The following NALF1 variants were observed in gnomAD, a reference collection of about 807,000 sequenced individuals.
The protein encoded by NALF1 is family with sequence similarity 155 member A.
A neutral mutation model predicts 48.4 loss-of-function variants in NALF1; 3 were observed. That is an observed-to-expected ratio of 0.06 (90% CI 0.03 to 0.16). NALF1 has a LOEUF of 0.16. NALF1 is among the 10% of genes least tolerant of loss of function. The probability of loss-of-function intolerance (pLI) is 1.00; values close to 1 mark genes in which losing one functional copy is unlikely to be tolerated. For missense variants in NALF1, 526 were observed against 571.5 expected, an observed-to-expected ratio of 0.92 and a Z score of 0.81; for synonymous variants, 262 against 245.7, an observed-to-expected ratio of 1.07 and a Z score of -0.62.
At chr13:107,283,325 T>C (rs947624453) in intron 1 of NALF1, among the ~76,000 whole-genome samples, 17 of 152,138 alleles carry the variant, frequency 1.1e-4, no homozygotes, top group African/African-American at 4.1e-4. Context: ...CATGGTGAAG[T>C]ACGGCAGCTC....
intron 1 of NALF1, among the ~76,000 whole-genome samples, chr13:107,345,659 T>G (rs957914304): frequency 6.6e-6 from 1 of 152,162 alleles, no homozygotes; most frequent in Non-Finnish European, 1.5e-5. Context: ...AGTGCCTACA[T>G]GTAATACCTG....
chr13:107,842,414 CA>C (rs926515731), intron 1 of NALF1, among the ~76,000 whole-genome samples: 12 of 151,838 alleles, frequency 7.9e-5, no homozygotes, highest in African/African-American at 2.9e-4. Context: ...TACAAAATTA[CA>C]ATTGCTTTCA....
intron 2 of NALF1, among the ~76,000 whole-genome samples, chr13:107,185,392 CT>C (rs1879150450): frequency 6.8e-6 from 1 of 146,744 alleles, no homozygotes; most frequent in African/African-American, 2.5e-5. Flanking sequence ...ACCCCCGCCC[CT>C]CCCTGCATGC....
intron 1 of NALF1, among the ~76,000 whole-genome samples, chr13:107,570,895 G>T (rs1211476077): frequency 1.3e-5 from 2 of 151,796 alleles, no homozygotes; most frequent in African/African-American, 2.4e-5. Context: ...AGAATGAAAG[G>T]CTCCTTCCAT....
chr13:107,792,306 A>G (rs1878270869), intron 1 of NALF1, among the ~76,000 whole-genome samples: 1 of 152,194 alleles, frequency 6.6e-6, no homozygotes, highest in African/African-American at 2.4e-5. Context: ...CATACATATG[A>G]CATTTAGTAA....
At chr13:107,352,216 G>C (rs1428972545) in intron 1 of NALF1, among the ~76,000 whole-genome samples, 1 of 152,114 alleles carries the variant, frequency 6.6e-6, no homozygotes, top group Non-Finnish European at 1.5e-5. Context: ...TGTGTTTCAT[G>C]GGAAGGAAAG....
At chr13:107,668,252 T>C (rs560242292) in intron 1 of NALF1, among the ~76,000 whole-genome samples, 15 of 152,112 alleles carry the variant, frequency 9.9e-5, no homozygotes, top group Non-Finnish European at 1.8e-4. Context: ...GAAAATAGTA[T>C]GTAATTCTCT....
At chr13:107,595,110 C>T (rs17348928) in intron 1 of NALF1, among the ~76,000 whole-genome samples, 36,877 of 151,864 alleles carry the variant, frequency 0.24, 5,136 homozygotes, top group East Asian at 0.37. Flanking sequence ...GACAAGACAG[C>T]GACCACGGTC....
At chr13:107,351,416 C>T (rs958911551) in intron 1 of NALF1, among the ~76,000 whole-genome samples, 33 of 152,166 alleles carry the variant, frequency 2.2e-4, no homozygotes, top group African/African-American at 8.0e-4. Flanking sequence ...TTTCCCAGGA[C>T]TTTCTCCCCT....
chr13:107,552,890 T>C (rs1389630991), intron 1 of NALF1, among the ~76,000 whole-genome samples: 1 of 152,008 alleles, frequency 6.6e-6, no homozygotes, highest in Non-Finnish European at 1.5e-5. Context: ...TATTAAAATA[T>C]TGTGCACAAT....
intron 1 of NALF1, among the ~76,000 whole-genome samples, chr13:107,637,971 G>C (rs1880031234): frequency 6.6e-6 from 1 of 151,660 alleles, no homozygotes; most frequent in African/African-American, 2.4e-5. Context: ...ACCATGGTGA[G>C]TGCAAAGATG....
chr13:107,529,537 C>T (rs1046502108), intron 1 of NALF1, among the ~76,000 whole-genome samples: 1 of 152,144 alleles, frequency 6.6e-6, no homozygotes, highest in Non-Finnish European at 1.5e-5. Context: ...AATATTCACA[C>T]TATATGTCCT....
At chr13:107,188,652 A>G (rs1331323900) in intron 2 of NALF1, among the ~76,000 whole-genome samples, 2 of 152,170 alleles carry the variant, frequency 1.3e-5, no homozygotes, top group Non-Finnish European at 1.5e-5. Context: ...TATTAATAGA[A>G]TTATATTACT....
At chr13:107,545,628 C>T (rs528898680) in intron 1 of NALF1, among the ~76,000 whole-genome samples, 17 of 152,010 alleles carry the variant, frequency 1.1e-4, no homozygotes, top group Non-Finnish European at 2.4e-4. Flanking sequence ...GGTCAAGTGT[C>T]ATTTCCAAGC....
At chr13:107,773,994 T>C (rs1877655246) in intron 1 of NALF1, among the ~76,000 whole-genome samples, 1 of 128,716 alleles carries the variant, frequency 7.8e-6, no homozygotes, top group African/African-American at 2.6e-5. Context: ...CCTTAAATGA[T>C]CAAGTATTTT....
intron 1 of NALF1, among the ~76,000 whole-genome samples, chr13:107,709,506 C>T (rs1875504537): frequency 6.6e-6 from 1 of 152,236 alleles, no homozygotes; most frequent in East Asian, 1.9e-4. Flanking sequence ...TATCTAACCA[C>T]AAATGTGCTT....
At chr13:107,220,529 T>C (rs918495225) in intron 1 of NALF1, among the ~76,000 whole-genome samples, 3 of 152,218 alleles carry the variant, frequency 2.0e-5, no homozygotes, top group Non-Finnish European at 2.9e-5. Context: ...GCTGCCTAGG[T>C]ACCATCCAAT....
chr13:107,787,471 TCA>T (rs1277475860), intron 1 of NALF1, among the ~76,000 whole-genome samples: 1 of 152,228 alleles, frequency 6.6e-6, no homozygotes, highest in Non-Finnish European at 1.5e-5. Flanking sequence ...TCTTTATGAT[TCA>T]CAGTTTATGG....
chr13:107,442,903 G>A (rs994356912), intron 1 of NALF1, among the ~76,000 whole-genome samples: 3 of 152,058 alleles, frequency 2.0e-5, no homozygotes, highest in Admixed American at 6.5e-5. Context: ...CTCATATAAC[G>A]CAAGAGAATA....
Sources: gnomAD v4.1 joint callset for allele counts (sites outside exome capture counted in the v4.1 genomes callset) on GRCh38, gnomAD v4.1.1 for gene constraint, MANE v1.5 for transcripts, NCBI Gene and HGNC (gene_info 2026-07-23, HGNC 2026-07-21) for gene names.